The following DMKN variants were observed in gnomAD, a reference collection of about 807,000 sequenced individuals.
DMKN encodes dermokine.
DMKN carries 58 observed loss-of-function variants against 67.6 expected under a neutral mutation model. The ratio of observed to expected loss-of-function variants is 0.86; its 90% CI spans 0.69 to 1.07. The LOEUF is 1.07. Ranked by LOEUF, DMKN falls within the 50% of genes least tolerant of loss-of-function variation. The probability of loss-of-function intolerance (pLI) is 0.00; values close to 1 mark genes in which losing one functional copy is unlikely to be tolerated. For missense variants in DMKN, 596 were observed against 601.5 expected, an observed-to-expected ratio of 0.99 and a Z score of 0.10; for synonymous variants, 240 against 232.3, an observed-to-expected ratio of 1.03 and a Z score of -0.30.
chr19:35,506,342 A>C, intron 7 of DMKN: 1 of 725,406 alleles, frequency 1.4e-6, no homozygotes, highest in Non-Finnish European at 2.2e-6. Flanking sequence ...CAGCACCAAA[A>C]AGTTCACTTG....
At position 35,512,440 on chromosome 19, in the gene DMKN, G is replaced by C. The variant is rs377325141; in HGVS notation, c.665C>G (p.Ala222Gly). 5 of 1,614,108 alleles carry C rather than the reference G, an allele frequency of 3.1e-6. No individual in the cohort carries two copies. The highest frequency in any genetic ancestry group is 4.2e-6 in the Non-Finnish European group (5 of 1,180,026). ...VAQPGYGSVR[A>G]SNQNEGCTNP... ...TCTTACCCCTTCATTCTGGTTGCTG[G>C]CTCTCACTGAACCATAGCCAGGCTG... The change falls in exon 3 of 16, where the codon GCC becomes GGC. Residue 222 changes from alanine (A) to glycine (G), a missense_variant. Ala to Gly is a moderately conservative substitution (Grantham distance 60). Coordinates refer to ENST00000339686, the MANE Select transcript of DMKN (RefSeq NM_033317.5).
Position 35,512,457 on chromosome 19 carries a change from G to C in DMKN, c.648C>G (p.Gly216=), listed in dbSNP as rs1375506530. The change falls in exon 3 of 16, where the codon GGC becomes GGG. Residue 216 remains glycine, a synonymous_variant. Transcript: ENST00000339686. ...TNTQGAVAQP[G]YGSVRASNQN... is the part of the protein sequence containing the mutation. ...GGTTGCTGGCTCTCACTGAACCATA[G>C]CCAGGCTGGGCCACAGCTCCCTGCA... The C allele has an allele frequency of 3.1e-6, 5 of 1,614,164 alleles. No homozygotes were observed. Among genetic ancestry groups the C allele is most frequent in the Admixed American group, 1.7e-5 (1 of 60,026 alleles).
At chr19:35,503,009 G>T in intron 9 of DMKN, 123 bp from the exon 10 acceptor site, 1 of 1,167,658 alleles carries the variant, frequency 8.6e-7, no homozygotes, top group Non-Finnish European at 1.2e-6. Flanking sequence ...GGGATGGGAG[G>T]AGCTGAGAGT....
At chr19:35,505,232 G>A (rs1316129800) in intron 9 of DMKN, among the ~76,000 whole-genome samples, 1 of 152,062 alleles carries the variant, frequency 6.6e-6, no homozygotes, top group African/African-American at 2.4e-5. Context: ...GGGTAGGCAG[G>A]GAGGAAGGAG....
At chr19:35,512,863 A>G (rs2071056339) in intron 1 of DMKN, 73 bp from the exon 2 acceptor site, 1 of 1,552,310 alleles carries the variant, frequency 6.4e-7, no homozygotes, top group Non-Finnish European at 8.7e-7. Flanking sequence ...GGCAAATCAT[A>G]AAGAGACCAG....
Position 35,512,433 on chromosome 19 carries a change from G to T in DMKN, c.672C>A (p.Asn224Lys), listed in dbSNP as rs2071004231. 1 of 1,613,944 alleles carries T rather than the reference G, an allele frequency of 6.2e-7. No individual in the cohort carries two copies. The highest frequency in any genetic ancestry group is 1.3e-5 in the African/African-American group (1 of 74,866). The part of the protein sequence containing the change: ...QPGYGSVRAS[N>K]QNEGCTNPPP... ...CCCTTCCTCTTACCCCTTCATTCTG[G>T]TTGCTGGCTCTCACTGAACCATAGC... Residue 224 changes from asparagine to lysine, a missense_variant, in exon 3 of 16, where the codon AAC becomes AAA. Physicochemically the swap from Asn to Lys is moderately conservative, Grantham distance 94 (BLOSUM62 0). Coordinates refer to ENST00000339686, the MANE Select transcript of DMKN (RefSeq NM_033317.5).
intron 12 of DMKN, 87 bp from the exon 13 acceptor site, chr19:35,500,116 C>A: frequency 6.8e-7 from 1 of 1,475,238 alleles, no homozygotes; most frequent in Non-Finnish European, 9.5e-7. Flanking sequence ...CTGCCTGGAC[C>A]AGACCTTTCC....
intron 3 of DMKN, 104 bp downstream of exon 3, chr19:35,512,317 C>T: frequency 6.8e-7 from 1 of 1,469,030 alleles, no homozygotes; most frequent in East Asian, 2.3e-5. Flanking sequence ...CCTCTCACCC[C>T]AATCCCTCCA....
chr19:35,502,067 C>T, intron 11 of DMKN, 69 bp downstream of exon 11: 1 of 1,609,958 alleles, frequency 6.2e-7, no homozygotes, highest in Non-Finnish European at 8.5e-7. Context: ...GGGACAGACA[C>T]CTGGGTCAGC....
At position 35,512,468 on chromosome 19, in the gene DMKN, C is replaced by G. The variant is rs2146245266; in HGVS notation, c.637G>C (p.Ala213Pro). 6.2e-7 allele frequency: 1 copy of G among 1,614,176 alleles called. No homozygotes were observed. Among genetic ancestry groups the G allele is most frequent in the Non-Finnish European group, 8.5e-7 (1 of 1,180,030 alleles). Residue 213 changes from alanine (A) to proline (P), a missense_variant, in exon 3 of 16, where the codon GCC becomes CCC. Physicochemically the swap from Ala to Pro is conservative, Grantham distance 27. Transcript: ENST00000339686. The stretch of plus-strand genomic sequence containing the variant: ...CTCACTGAACCATAGCCAGGCTGGG[C>G]CACAGCTCCCTGCAGAGAGGGTGAG... ...NFGTNTQGAV[A>P]QPGYGSVRAS...
Position 35,503,393 on chromosome 19 carries a change from T to C in DMKN, c.1135-507A>G, listed in dbSNP as rs1318253593. 3.2e-6 allele frequency: 5 copies of C among 1,551,040 alleles called. No homozygotes were observed. In the East Asian group the frequency reaches 9.8e-5, roughly 30 times the overall value. On this transcript the variant is annotated intron_variant, in intron 9 of 15. Transcript: ENST00000339686. ...TAAGGAGGGAGTGTGGGGGCTCCCA[T>C]CCAATCTGGTGGCTCCTTGTCTGGA...
At position 35,505,927 on chromosome 19, in the gene DMKN, C is replaced by T. The variant is rs764470811; in HGVS notation, c.1086+12G>A. 67 of 1,614,018 alleles carry T rather than the reference C, an allele frequency of 4.2e-5. No homozygotes were observed. The highest frequency in any genetic ancestry group is 5.5e-5 in the Non-Finnish European group (65 of 1,180,050). On this transcript the variant is annotated intron_variant, in intron 8 of 15. Transcript: ENST00000339686. Reference sequence around the variant, plus strand: ...CAAATGCGAGTGAACAGAGCCATCTCGCAGAACTCACCTTCCAGAAAGTGT... The same window carrying T: ...CAAATGCGAGTGAACAGAGCCATCTTGCAGAACTCACCTTCCAGAAAGTGT...
chr19:35,501,942 T>C (rs781051854), intron 11 of DMKN, 194 bp downstream of exon 11: 23 of 1,557,256 alleles, frequency 1.5e-5, no homozygotes, highest in Non-Finnish European at 2.0e-5. Flanking sequence ...TCGGCTTTTA[T>C]GCTAGGGAGG....
At chr19:35,505,323 G>A (rs2069250726) in intron 9 of DMKN, among the ~76,000 whole-genome samples, 1 of 152,166 alleles carries the variant, frequency 6.6e-6, no homozygotes, top group Non-Finnish European at 1.5e-5. Flanking sequence ...CTCGGCCAGT[G>A]CTGGTTCCTT....
intron 9 of DMKN, chr19:35,503,479 T>TG (rs780223116): frequency 4.5e-5 from 68 of 1,527,606 alleles, no homozygotes; most frequent in South Asian, 4.9e-5. Flanking sequence ...TTTTTGTTTT[T>TG]TTTTTTTTTT....
intron 3 of DMKN, 145 bp from the exon 4 acceptor site, chr19:35,511,958 T>C: frequency 1.2e-6 from 1 of 821,810 alleles, no homozygotes; most frequent in Non-Finnish European, 1.8e-6. Context: ...CCTTCCCATC[T>C]GCCTCCTCCC....
At chr19:35,510,085 C>G (rs1182340629) in intron 6 of DMKN, 99 bp downstream of exon 6, 1 of 1,568,724 alleles carries the variant, frequency 6.4e-7, no homozygotes, top group Non-Finnish European at 8.7e-7. Flanking sequence ...CCATCCAGCC[C>G]CATCTCCGCG....
intron 7 of DMKN, chr19:35,506,914 G>A (rs1021854469): frequency 3.5e-5 from 7 of 200,902 alleles, no homozygotes; most frequent in Non-Finnish European, 7.3e-5. Context: ...TTGGGAGGCT[G>A]AGGCATGTAA....
chr19:35,511,956 T>A, intron 3 of DMKN, 143 bp from the exon 4 acceptor site: 2 of 831,658 alleles, frequency 2.4e-6, no homozygotes, highest in Non-Finnish European at 3.6e-6. Context: ...CCCCTTCCCA[T>A]CTGCCTCCTC....
Sources: allele counts gnomAD v4.1 joint callset (sites outside exome capture counted in the v4.1 genomes callset), GRCh38; gene constraint gnomAD v4.1.1; transcripts MANE v1.5; gene names NCBI Gene and HGNC (gene_info 2026-07-23, HGNC 2026-07-21).